DAB1: variants seen among roughly 807,000 people sequenced by gnomAD.
DAB1 encodes disabled homolog 1.
DAB1 carries 15 observed loss-of-function variants against 64.6 expected under a neutral mutation model. The ratio of observed to expected loss-of-function variants is 0.23; its 90% CI spans 0.16 to 0.36. The LOEUF is 0.36. Ranked by LOEUF, DAB1 falls within the 10% of genes least tolerant of loss-of-function variation. DAB1 has a pLI of 1.00. For synonymous variants in DAB1, 235 were observed against 251.9 expected, an observed-to-expected ratio of 0.93 and a Z score of 0.64; for missense variants, 596 against 706.7, an observed-to-expected ratio of 0.84 and a Z score of 1.78.
At chr1:57,256,589 CA>C (rs760947811) in intron 2 of DAB1, among the ~76,000 whole-genome samples, 8 of 152,364 alleles carry the variant, frequency 5.3e-5, no homozygotes, top group Non-Finnish European at 8.8e-5. Context: ...CCTGCTCTTA[CA>C]CATGTGACAC....
intron 2 of DAB1, among the ~76,000 whole-genome samples, chr1:57,232,413 C>T (rs534506956): frequency 9.4e-4 from 142 of 150,708 alleles, no homozygotes; most frequent in African/African-American, 3.4e-3. Context: ...GTCATTTATT[C>T]AACATATATT....
intron 7 of DAB1, among the ~76,000 whole-genome samples, chr1:57,442,753 G>A (rs1686001996): frequency 6.6e-6 from 1 of 152,224 alleles, no homozygotes; most frequent in African/African-American, 2.4e-5. Context: ...TCCCCATGGA[G>A]GAGTGCCGCC....
chr1:57,721,499 T>C (rs1647150012), intron 6 of DAB1, among the ~76,000 whole-genome samples: 1 of 152,132 alleles, frequency 6.6e-6, no homozygotes, highest in African/African-American at 2.4e-5. Flanking sequence ...CCTTAAGAAA[T>C]AGGATGATAG....
intron 9 of DAB1, among the ~76,000 whole-genome samples, chr1:57,059,813 G>A (rs183780395): frequency 2.0e-4 from 30 of 152,278 alleles, no homozygotes; most frequent in Admixed American, 1.4e-3. Flanking sequence ...AGGAAGAGGA[G>A]CTCAGATTCC....
intron 4 of DAB1, among the ~76,000 whole-genome samples, chr1:58,192,350 T>C (rs1290602226): frequency 6.6e-6 from 1 of 152,204 alleles, no homozygotes; most frequent in Non-Finnish European, 1.5e-5. Context: ...TCTGGGCTTT[T>C]AATGTACCCA....
At chr1:58,277,548 G>A (rs1264911830) in intron 4 of DAB1, among the ~76,000 whole-genome samples, 2 of 152,080 alleles carry the variant, frequency 1.3e-5, no homozygotes. Context: ...GGTCATGCTC[G>A]GATCCACTTG....
At chr1:57,339,110 G>A (rs1024343160) in intron 1 of DAB1, among the ~76,000 whole-genome samples, 1 of 149,812 alleles carries the variant, frequency 6.7e-6, no homozygotes, top group Non-Finnish European at 1.5e-5. Context: ...CCTTCTTACT[G>A]ACTTAGGAAA....
intron 5 of DAB1, among the ~76,000 whole-genome samples, chr1:58,050,439 T>C (rs1647566948): frequency 6.6e-6 from 1 of 152,146 alleles, no homozygotes. Context: ...ACTAGACATA[T>C]GGTAGTGTGA....
chr1:58,483,346 T>C (rs1465554933), intron 3 of DAB1, among the ~76,000 whole-genome samples: 2 of 152,146 alleles, frequency 1.3e-5, no homozygotes, highest in Non-Finnish European at 1.5e-5. Flanking sequence ...TAACATTTCA[T>C]TGAGTCCCAC....
intron 3 of DAB1, chr1:58,481,213 T>C (rs373062346): frequency 4.8e-5 from 31 of 650,728 alleles, no homozygotes; most frequent in Middle Eastern, 4.1e-4. Context: ...ACTATATATA[T>C]ACATCAATGT....
chr1:57,822,549 AG>A (rs757218669), downstream of DAB1, among the ~76,000 whole-genome samples: 3 of 152,224 alleles, frequency 2.0e-5, no homozygotes, highest in Non-Finnish European at 2.9e-5. Flanking sequence ...ATAGACATAA[AG>A]TGGGACTGAC....
At chr1:58,425,017 A>T (rs1644808673) in intron 3 of DAB1, among the ~76,000 whole-genome samples, 1 of 152,196 alleles carries the variant, frequency 6.6e-6, no homozygotes, top group African/African-American at 2.4e-5. Context: ...TCCGTAATGG[A>T]CATTTGTCAT....
intron 1 of DAB1, among the ~76,000 whole-genome samples, chr1:57,340,080 G>A (rs1677446944): frequency 6.6e-6 from 1 of 152,122 alleles, no homozygotes; most frequent in Non-Finnish European, 1.5e-5. Flanking sequence ...GCAAAATCTC[G>A]ATGCTCTTCA....
chr1:58,255,426 T>TTC (rs66613225), intron 4 of DAB1, among the ~76,000 whole-genome samples: 404 of 149,176 alleles, frequency 2.7e-3, no homozygotes, highest in African/African-American at 3.6e-3. Context: ...TGCTTGTTCA[T>TTC]TCTCTCTCTC....
intron 6 of DAB1, among the ~76,000 whole-genome samples, chr1:57,724,664 A>G (rs1647187821): frequency 6.6e-6 from 1 of 152,110 alleles, no homozygotes; most frequent in South Asian, 2.1e-4. Context: ...CAGGAGGCCT[A>G]TTCTTTCTCT....
chr1:57,924,154 C>T (rs1056676673), intron 5 of DAB1, among the ~76,000 whole-genome samples: 2 of 152,192 alleles, frequency 1.3e-5, no homozygotes, highest in South Asian at 2.1e-4. Context: ...TGTATGTATT[C>T]AGCAAAGAGT....
At chr1:57,916,709 G>A (rs574546614) in intron 5 of DAB1, among the ~76,000 whole-genome samples, 41 of 152,276 alleles carry the variant, frequency 2.7e-4, no homozygotes, top group Middle Eastern at 6.8e-3. Context: ...AGGCCAAGGC[G>A]AGTGGATCAC....
intron 7 of DAB1, among the ~76,000 whole-genome samples, chr1:57,466,412 T>C (rs747161141): frequency 5.9e-5 from 9 of 152,110 alleles, no homozygotes; most frequent in Non-Finnish European, 1.2e-4. Flanking sequence ...AAAAAAAATC[T>C]AAATTCAAAT....
chr1:58,481,659 C>G (rs1029180080), intron 3 of DAB1, among the ~76,000 whole-genome samples: 1 of 151,922 alleles, frequency 6.6e-6, no homozygotes, highest in Non-Finnish European at 1.5e-5. Flanking sequence ...ATGTCTCCAC[C>G]CAAATCTCAT....
Sources: allele counts gnomAD v4.1 joint callset (sites outside exome capture counted in the v4.1 genomes callset), GRCh38; gene constraint gnomAD v4.1.1; transcripts MANE v1.5; gene names NCBI Gene and HGNC (gene_info 2026-07-23, HGNC 2026-07-21).